TMTC2: variants seen among roughly 807,000 people sequenced by gnomAD.
TMTC2 encodes protein O-mannosyl-transferase TMTC2.
In TMTC2, 43 loss-of-function variants were observed where a neutral mutation model predicts 82.4. The ratio of observed to expected loss-of-function variants is 0.52; its 90% CI spans 0.41 to 0.67. TMTC2 has a LOEUF of 0.67. Ranked by LOEUF, TMTC2 falls within the 30% of genes least tolerant of loss-of-function variation. TMTC2 has a pLI of 0.00. For synonymous variants in TMTC2, 408 were observed against 381.9 expected (o/e 1.07, Z -0.80); for missense variants, 919 against 1,012.4 (o/e 0.91, Z 1.25).
intron 8 of TMTC2, among the ~76,000 whole-genome samples, chr12:83,021,196 C>T (rs1236583460): frequency 6.6e-6 from 1 of 152,114 alleles, no homozygotes; most frequent in Non-Finnish European, 1.5e-5. Context: ...TTGCTTTCTT[C>T]TCATTGCAAG....
intron 1 of TMTC2, among the ~76,000 whole-genome samples, chr12:82,844,256 G>A (rs564087752): frequency 4.6e-5 from 7 of 152,294 alleles, no homozygotes; most frequent in African/African-American, 1.7e-4. Context: ...AGTAATACTT[G>A]AATAGTTAGA....
chr12:83,041,829 C>T (rs1881906966), intron 9 of TMTC2, among the ~76,000 whole-genome samples: 1 of 152,192 alleles, frequency 6.6e-6, no homozygotes, highest in Non-Finnish European at 1.5e-5. Context: ...GGGTAAATCA[C>T]AGGGGCTTTT....
chr12:82,971,804 T>C (rs975503044), intron 7 of TMTC2, among the ~76,000 whole-genome samples: 1 of 64,952 alleles, frequency 1.5e-5, no homozygotes, highest in Non-Finnish European at 3.0e-5. Flanking sequence ...GAATAACCTC[T>C]GTATGCAAAA....
At chr12:82,844,332 T>C (rs1454646865) in intron 1 of TMTC2, among the ~76,000 whole-genome samples, 1 of 152,248 alleles carries the variant, frequency 6.6e-6, no homozygotes, top group African/African-American at 2.4e-5. Flanking sequence ...GCAAGTATTT[T>C]AACTGGGTGT....
chr12:82,873,819 A>G lies in TMTC2; in HGVS notation c.654+16239A>G, dbSNP rs184031393. 2.7e-4 allele frequency among the ~76,000 whole-genome samples: 41 copies of G among 152,306 alleles called. 1 individual carries two copies. The highest frequency in any genetic ancestry group is 9.9e-4 in the African/African-American group (41 of 41,588). Reference sequence around the variant, plus strand: ...AAACCCAGTTTCCATTCTGTTACCTATTTGAAAAAGGAATCATTTTCAGAC... The same window carrying G: ...AAACCCAGTTTCCATTCTGTTACCTGTTTGAAAAAGGAATCATTTTCAGAC... On this transcript the variant is annotated intron_variant, in intron 2 of 11. Transcript: ENST00000321196.
At chr12:83,044,073 T>A (rs956769062) in intron 9 of TMTC2, among the ~76,000 whole-genome samples, 2 of 152,100 alleles carry the variant, frequency 1.3e-5, no homozygotes, top group African/African-American at 4.8e-5. Flanking sequence ...AATGGTACCT[T>A]TGGGAAGCAT....
At chr12:82,728,800 A>G (rs1024514334) in intron 1 of TMTC2, among the ~76,000 whole-genome samples, 3 of 152,216 alleles carry the variant, frequency 2.0e-5, no homozygotes, top group Non-Finnish European at 4.4e-5. Flanking sequence ...CTGGGGCTGC[A>G]CGCAGTGCTT....
At position 83,051,027 on chromosome 12, in the gene TMTC2, T is replaced by C. The variant is rs1362790202; in HGVS notation, c.2267+9T>C. On this transcript the variant is annotated intron_variant, in intron 10 of 11. Transcript: ENST00000321196. The stretch of plus-strand genomic sequence containing the variant: ...GCTGCCCACATGCTCAGGTTAGTTT[T>C]TTTGCTGCTGTGCCTCAAAGCCTAG... 1 of 1,598,580 alleles carries C rather than the reference T, an allele frequency of 6.3e-7. No homozygotes were observed. Among genetic ancestry groups the C allele is most frequent in the Admixed American group, 1.7e-5 (1 of 57,910 alleles).
intron 8 of TMTC2, among the ~76,000 whole-genome samples, chr12:83,008,318 A>G (rs74869011): frequency 0.016 from 2,394 of 152,218 alleles, 26 homozygotes; most frequent in Middle Eastern, 0.041. Flanking sequence ...CCAATTGCCC[A>G]TATGTCACAT....
intron 1 of TMTC2, among the ~76,000 whole-genome samples, chr12:82,711,229 T>C (rs897856997): frequency 1.3e-5 from 2 of 152,228 alleles, no homozygotes; most frequent in Non-Finnish European, 2.9e-5. Context: ...AGGTCAGAAG[T>C]CACCGTCAAC....
chr12:82,815,455 C>G (rs191615273), intron 1 of TMTC2, among the ~76,000 whole-genome samples: 1 of 151,622 alleles, frequency 6.6e-6, no homozygotes, highest in East Asian at 1.9e-4. Flanking sequence ...GGACTACAGG[C>G]GCCCGCCACC....
At chr12:82,896,724 C>G in intron 3 of TMTC2, 78 bp downstream of exon 3, 3 of 1,202,094 alleles carry the variant, frequency 2.5e-6, no homozygotes, top group Non-Finnish European at 3.5e-6. Flanking sequence ...TGTCTTAAAA[C>G]ACAGTATTAA....
At chr12:83,077,658 T>C (rs1883326305) in intron 11 of TMTC2, among the ~76,000 whole-genome samples, 2 of 152,122 alleles carry the variant, frequency 1.3e-5, no homozygotes, top group Admixed American at 6.5e-5. Flanking sequence ...CACTGCATCC[T>C]CTGCCTCCCG....
Position 82,756,692 on chromosome 12 carries a change from G to A in TMTC2, c.83+69023G>A, listed in dbSNP as rs77635783. On this transcript the variant is annotated intron_variant, in intron 1 of 11. Transcript: ENST00000321196. ...ATCACCAACTCTGTCAAATGTGGAG[G>A]CATTTGTGGATTTTGATAGTATTTA... 2.1e-4 allele frequency among the ~76,000 whole-genome samples: 32 copies of A among 152,294 alleles called. 1 individual carries two copies. The East Asian group carries it at 6.2e-3, about 29-fold the overall frequency.
chr12:82,767,592 A>G (rs1056814802), intron 1 of TMTC2, among the ~76,000 whole-genome samples: 2 of 152,116 alleles, frequency 1.3e-5, no homozygotes, highest in African/African-American at 4.8e-5. Context: ...CTCAAACAAA[A>G]AAAAAAGTTG....
rs1390862671 is a variant in TMTC2 at position 82,827,663 on chromosome 12, CTTTTCTTTTCTTTCTTTTA to C, written c.84-29338_84-29320del. 2.6e-5 allele frequency among the ~76,000 whole-genome samples: 4 copies of C among 151,318 alleles called. No homozygotes were observed. In the East Asian group the frequency reaches 7.8e-4, roughly 29 times the overall value. ...GAACATCTTCTTTCTTTTTTCTTTT[CTTTTCTTTTCTTTCTTTTA>C]TTTTCTTTCTTTCTTTCTCTCTTTC... On this transcript the variant is annotated intron_variant, in intron 1 of 11. Transcript: ENST00000321196.
chr12:83,034,558 A>G (rs574311106), intron 9 of TMTC2, among the ~76,000 whole-genome samples: 78 of 152,336 alleles, frequency 5.1e-4, no homozygotes, highest in African/African-American at 1.7e-3. Flanking sequence ...AGAATAGAAC[A>G]AGGGAAACTC....
At position 82,995,196 on chromosome 12, in the gene TMTC2, T is replaced by C. The variant is rs189576406; in HGVS notation, c.2070+9150T>C. On this transcript the variant is annotated intron_variant, in intron 8 of 11. Coordinates refer to ENST00000321196, the MANE Select transcript of TMTC2 (RefSeq NM_152588.3). ...CTCCTTGTTAAAACAGCATCTGGTC[T>C]AAGCCTATGTTGACTCTTAGGAGTG... 2.6e-5 allele frequency among the ~76,000 whole-genome samples: 4 copies of C among 152,334 alleles called. No homozygotes were observed. The East Asian group carries it at 7.7e-4, about 29-fold the overall frequency.
rs922087328 is a variant in TMTC2 at position 83,129,161 on chromosome 12, T to C, written c.2332-3049T>C. 8.5e-5 allele frequency among the ~76,000 whole-genome samples: 13 copies of C among 152,336 alleles called. No individual in the cohort carries two copies. The East Asian group carries it at 2.3e-3, about 27-fold the overall frequency. On this transcript the variant is annotated intron_variant, in intron 11 of 11. Transcript: ENST00000321196. The stretch of plus-strand genomic sequence containing the variant: ...GCCATTTATATTTACACCAAAATGT[T>C]ATAACTGAACCTGAAATGTATAGCT...
Sources: gnomAD v4.1 joint callset for allele counts (sites outside exome capture counted in the v4.1 genomes callset) on GRCh38, gnomAD v4.1.1 for gene constraint, MANE v1.5 for transcripts, NCBI Gene and HGNC (gene_info 2026-07-23, HGNC 2026-07-21) for gene names.